SLC25A33: variants seen among roughly 807,000 people sequenced by gnomAD.
SLC25A33 encodes the protein bone marrow stromal cell mitochondrial carrier protein.
In SLC25A33, 15 loss-of-function variants were observed where a neutral mutation model predicts 35.5. The observed-to-expected ratio is 0.42, with a 90% CI of 0.28 to 0.65. The LOEUF (loss-of-function observed/expected upper bound fraction) is 0.65, where lower values mean the gene tolerates loss of function less well. Ranked by LOEUF, SLC25A33 falls within the 30% of genes least tolerant of loss-of-function variation. The pLI, the probability that SLC25A33 is intolerant of heterozygous loss-of-function variation, is 0.20. For missense variants in SLC25A33, 257 were observed against 398.5 expected (o/e 0.64, Z 3.02); for synonymous variants, 136 against 148.7 (o/e 0.91, Z 0.62).
Position 9,539,700 on chromosome 1 carries a change from G to T in SLC25A33, c.9G>T (p.Thr3=). 1.4e-6 allele frequency: 2 copies of T among 1,391,140 alleles called. No individual in the cohort carries two copies. The allele number at this position is 1,391,140 out of a possible 1,614,324, so 86.2% of individuals were successfully genotyped here. Residue 3 remains threonine (T), a synonymous_variant, in exon 1 of 7, where the codon ACG becomes ACT. Coordinates refer to ENST00000302692, the MANE Select transcript of SLC25A33 (RefSeq NM_032315.3). The part of the protein sequence containing the change: MA[T]GGQQKENTLL... ...GCGGAGCCGGCGCGGCCATGGCGAC[G>T]GGCGGCCAGCAGAAGGAGAACACGC...
chr1:9,567,501 G>T (rs1406085668), intron 3 of SLC25A33, 140 bp downstream of exon 3: 3 of 674,782 alleles, frequency 4.4e-6, no homozygotes, highest in Non-Finnish European at 7.5e-6. Context: ...ATAGCAAATA[G>T]TCATTGAGAA....
chr1:9,574,595 T>G (rs901922205), intron 5 of SLC25A33, among the ~76,000 whole-genome samples: 3 of 152,222 alleles, frequency 2.0e-5, no homozygotes, highest in African/African-American at 7.2e-5. Context: ...CTGCTGCTAC[T>G]ACTGTGGCCT....
chr1:9,553,637 C>T lies in SLC25A33; in HGVS notation c.68C>T (p.Thr23Ile). Residue 23 changes from threonine (T) to isoleucine (I), a missense_variant, in exon 2 of 7, where the codon ACA (threonine) becomes ATA (isoleucine). By Grantham distance (89) the Thr-to-Ile change is moderately conservative. Coordinates refer to ENST00000302692, the MANE Select transcript of SLC25A33 (RefSeq NM_032315.3). ...LHLFAGGCGG[T>I]VGAIFTCPLE... ...GGTTTCCCTTACAGGTGTGGAGGCACAGTTGGTGCTATTTTCACTTGTCCA... is the reference window on the plus strand; with the variant it reads ...GGTTTCCCTTACAGGTGTGGAGGCATAGTTGGTGCTATTTTCACTTGTCCA... 1.2e-6 allele frequency: 2 copies of T among 1,613,238 alleles called. No individual in the cohort carries two copies. Among genetic ancestry groups the T allele is most frequent in the Non-Finnish European group, 8.5e-7 (1 of 1,180,014 alleles).
chr1:9,548,646 T>C (rs541425894), intron 1 of SLC25A33, among the ~76,000 whole-genome samples: 2 of 152,330 alleles, frequency 1.3e-5, no homozygotes, highest in African/African-American at 4.8e-5. Context: ...GAATGTTATT[T>C]CTTTCTGTAT....
intron 5 of SLC25A33, among the ~76,000 whole-genome samples, chr1:9,579,174 A>T (rs1346702705): frequency 6.6e-6 from 1 of 152,196 alleles, no homozygotes; most frequent in Non-Finnish European, 1.5e-5. Flanking sequence ...GACACAGAAG[A>T]TGACTTCTGT....
In SLC25A33 at chr1:9,539,857, C is replaced by T. The variant is rs565454123; in HGVS notation, c.56+110C>T. The T allele has an allele frequency of 1.9e-5, 19 of 1,012,562 alleles. No homozygotes were observed. The East Asian group carries it at 4.8e-4, about 26-fold the overall frequency. 62.7% of individuals were successfully genotyped at this position (1,012,562 alleles called of 1,614,324 possible). A position where few individuals can be genotyped will look rare whatever the true frequency, so the allele number is the denominator to read the frequency against. On this transcript the variant is annotated intron_variant, in intron 1 of 6. Coordinates refer to ENST00000302692, the MANE Select transcript of SLC25A33 (RefSeq NM_032315.3). ...GCGGTTACCGGCCTTCCCCGGGCTA[C>T]GGCGCCGGCGCTCGGGAGGAGGAAG...
intron 5 of SLC25A33, chr1:9,576,984 A>G: frequency 4.2e-6 from 5 of 1,203,222 alleles, no homozygotes; most frequent in Non-Finnish European, 6.1e-6. Context: ...GCTGATGAAT[A>G]AGATCTAAGA....
chr1:9,577,092 A>G (rs1643670441), intron 5 of SLC25A33: 3 of 542,142 alleles, frequency 5.5e-6, no homozygotes, highest in South Asian at 3.9e-5. Flanking sequence ...GAAGAAAAGA[A>G]TAGCCAGGTG....
intron 2 of SLC25A33, among the ~76,000 whole-genome samples, chr1:9,563,906 G>C (rs1288329793): frequency 6.6e-6 from 1 of 151,928 alleles, no homozygotes. Flanking sequence ...TGATCCACCC[G>C]CTTCGGCCTC....
chr1:9,563,710 C>CT (rs796875694), intron 2 of SLC25A33, among the ~76,000 whole-genome samples: 37 of 148,946 alleles, frequency 2.5e-4, no homozygotes, highest in East Asian at 5.9e-4. Context: ...ATTCTATTAA[C>CT]TTTTTTTTTT....
At position 9,539,703 on chromosome 1, in the gene SLC25A33, C is replaced by A; in HGVS notation, c.12C>A (p.Gly4=). ...GAGCCGGCGCGGCCATGGCGACGGG[C>A]GGCCAGCAGAAGGAGAACACGCTGC... MAT[G]GQQKENTLLH... The change falls in exon 1 of 7, where the codon GGC becomes GGA. Residue 4 remains glycine (G), a synonymous_variant. Coordinates refer to ENST00000302692, the MANE Select transcript of SLC25A33 (RefSeq NM_032315.3). The A allele has an allele frequency of 7.2e-7, 1 of 1,392,616 alleles. No individual in the cohort carries two copies. The highest frequency in any genetic ancestry group is 9.3e-7 in the Non-Finnish European group (1 of 1,072,156). 86.3% of individuals were successfully genotyped at this position (1,392,616 alleles called of 1,614,324 possible).
At chr1:9,545,985 A>G (rs1643163295) in intron 1 of SLC25A33, among the ~76,000 whole-genome samples, 2 of 151,714 alleles carry the variant, frequency 1.3e-5, no homozygotes, top group African/African-American at 4.8e-5. Context: ...AGGAATACAT[A>G]GTTGAAAACA....
chr1:9,543,904 G>A (rs746403000), intron 1 of SLC25A33, among the ~76,000 whole-genome samples: 25 of 152,110 alleles, frequency 1.6e-4, no homozygotes, highest in African/African-American at 6.0e-4. Context: ...TCAGGAGTTC[G>A]AGACCAGCCT....
intron 2 of SLC25A33, among the ~76,000 whole-genome samples, chr1:9,558,942 A>G (rs1643381595): frequency 6.6e-6 from 1 of 152,130 alleles, no homozygotes; most frequent in Non-Finnish European, 1.5e-5. Context: ...TAGGTTCTAC[A>G]CGATTCTCAC....
In SLC25A33 at chr1:9,539,534, C is replaced by G. The variant is rs1455262000; in HGVS notation, c.-158C>G. On this transcript the variant is annotated 5_prime_UTR_variant, in exon 1 of 7. Coordinates refer to ENST00000302692, the MANE Select transcript of SLC25A33 (RefSeq NM_032315.3). ...CGGCCACGCCGCGGAAGGCGCGGGC[C>G]GAGCAGAGCCGGGCGTTGGAGCCCG... 1.9e-5 allele frequency: 7 copies of G among 375,738 alleles called. No homozygotes were observed. The highest frequency in any genetic ancestry group is 5.3e-5 in the Admixed American group (1 of 18,784). 23.3% of individuals were successfully genotyped at this position (375,738 alleles called of 1,614,324 possible).
chr1:9,576,190 C>G (rs769848968), intron 5 of SLC25A33, among the ~76,000 whole-genome samples: 4 of 152,212 alleles, frequency 2.6e-5, no homozygotes, highest in Non-Finnish European at 5.9e-5. Flanking sequence ...GTTGCTTGCA[C>G]TAGTCACTAG....
chr1:9,565,502 C>T (rs1203768993), intron 2 of SLC25A33, among the ~76,000 whole-genome samples: 1 of 145,288 alleles, frequency 6.9e-6, no homozygotes, highest in Non-Finnish European at 1.5e-5. Context: ...GGCAACAGAG[C>T]GAGACTCTGT....
Position 9,578,878 on chromosome 1 carries a change from C to T in SLC25A33, c.483-1076C>T, listed in dbSNP as rs1037104836. Among the ~76,000 whole-genome samples the T allele has an allele frequency of 2.6e-5, 4 of 152,256 alleles. No individual in the cohort carries two copies. Among genetic ancestry groups the T allele is most frequent in the African/African-American group, 9.6e-5 (4 of 41,466 alleles). ...TAGCAGATATACCGTGGTCAGCTAT[C>T]TGGATTGTTGTCCTGATTGTTTTGC... On this transcript the variant is annotated intron_variant, in intron 5 of 6. Transcript: ENST00000302692. This position sits in a 1 kb window ranked among gnomAD's most constrained non-coding sequence, Gnocchi z 4.3.
chr1:9,582,345 T>G lies in SLC25A33; in HGVS notation c.810T>G (p.Ser270=). ...GGGAAGAGGGCACCAAGTACAAGTCTTTTGTCCAGACGGCGCGCCTGGTGT... is the reference window on the plus strand; with the variant it reads ...GGGAAGAGGGCACCAAGTACAAGTCGTTTGTCCAGACGGCGCGCCTGGTGT... ...RLREEGTKYK[S]FVQTARLVFR... The change falls in exon 7 of 7, where the codon TCT becomes TCG. Residue 270 remains serine, a synonymous_variant. Transcript: ENST00000302692. The surrounding 1 kb of genome is among the most constrained non-coding windows in gnomAD (Gnocchi z 4.0). The G allele has an allele frequency of 6.2e-7, 1 of 1,613,980 alleles. No individual in the cohort carries two copies. Among genetic ancestry groups the G allele is most frequent in the Non-Finnish European group, 8.5e-7 (1 of 1,179,866 alleles).
Sources: gnomAD v4.1 joint callset for allele counts (sites outside exome capture counted in the v4.1 genomes callset) on GRCh38, gnomAD v4.1.1 for gene constraint, Gnocchi (gnomAD v3.1) non-coding constraint, MANE v1.5 for transcripts, NCBI Gene and HGNC (gene_info 2026-07-23, HGNC 2026-07-21) for gene names.